NTRK3: variants seen among roughly 807,000 people sequenced by gnomAD.
NTRK3 encodes the protein NT-3 growth factor receptor.
Under a neutral mutation model 91.7 loss-of-function variants are expected in NTRK3, and 24 were observed. The observed-to-expected ratio is 0.26, with a 90% CI of 0.19 to 0.37. NTRK3 has a LOEUF of 0.37. Ranked by LOEUF, NTRK3 falls within the 10% of genes least tolerant of loss-of-function variation. The pLI is 1.00. For missense variants in NTRK3, 880 were observed against 1,068.9 expected (o/e 0.82, Z 2.46); for synonymous variants, 483 against 404.0 (o/e 1.20, Z -2.34).
intron 17 of NTRK3, among the ~76,000 whole-genome samples, chr15:87,886,975 G>C (rs927034075): frequency 2.6e-5 from 4 of 151,770 alleles, no homozygotes; most frequent in Non-Finnish European, 5.9e-5. Context: ...AAAAAAAATA[G>C]AAGTCAGGAA....
intron 5 of NTRK3, among the ~76,000 whole-genome samples, chr15:88,152,780 T>C (rs927204783): frequency 9.8e-5 from 15 of 152,356 alleles, no homozygotes; most frequent in African/African-American, 3.6e-4. Flanking sequence ...GCTCTGTCTA[T>C]GCTTGGTGGC....
At chr15:87,992,303 A>G (rs1436749933) in intron 14 of NTRK3, among the ~76,000 whole-genome samples, 1 of 152,140 alleles carries the variant, frequency 6.6e-6, no homozygotes, top group Non-Finnish European at 1.5e-5. Flanking sequence ...ACCACACTGT[A>G]TGCCTTTCAG....
chr15:88,170,761 G>C (rs1269852668), intron 5 of NTRK3, among the ~76,000 whole-genome samples: 87 of 152,104 alleles, frequency 5.7e-4, no homozygotes, highest in Admixed American at 5.6e-3. Context: ...AGGATTCCCT[G>C]GCCCTCATCA....
chr15:87,948,298 T>A (rs1431105226), intron 14 of NTRK3, among the ~76,000 whole-genome samples: 1 of 152,234 alleles, frequency 6.6e-6, no homozygotes, highest in African/African-American at 2.4e-5. Flanking sequence ...ATCTCCTGGT[T>A]TCCTGTAAAG....
At chr15:88,069,475 C>T (rs1239151848) in intron 13 of NTRK3, among the ~76,000 whole-genome samples, 7 of 152,140 alleles carry the variant, frequency 4.6e-5, no homozygotes, top group South Asian at 4.1e-4. Flanking sequence ...GATGATGCAG[C>T]GGTGTCAGGG....
At chr15:87,987,776 G>A (rs1027787851) in intron 14 of NTRK3, among the ~76,000 whole-genome samples, 3 of 151,778 alleles carry the variant, frequency 2.0e-5, no homozygotes, top group African/African-American at 4.8e-5. Flanking sequence ...CTCAATGTCA[G>A]GATATTACCT....
At chr15:87,863,958 C>A (rs1400328361) in exon 19 of NTRK3, 2 of 226,218 alleles carry the variant, frequency 8.8e-6, no homozygotes, top group Non-Finnish European at 1.7e-5. Flanking sequence ...TGCCTTTAAC[C>A]CCCCACCAGG....
rs76706580 is a variant in NTRK3 at position 87,951,175 on chromosome 15, C to T, written c.1586-10422G>A. On this transcript the variant is annotated intron_variant, in intron 14 of 18. Coordinates refer to ENST00000394480, the Ensembl canonical transcript of NTRK3. ...CCCCACTTCCACTAGTAGAAATCAACCCAATCCCCAACACGGGAAATAATC... is the reference window on the plus strand; with the variant it reads ...CCCCACTTCCACTAGTAGAAATCAATCCAATCCCCAACACGGGAAATAATC... Among the ~76,000 whole-genome samples the T allele has an allele frequency of 3.5e-3, 539 of 152,322 alleles. 1 individual carries two copies. The highest frequency in any genetic ancestry group is 0.012 in the African/African-American group (519 of 41,574).
At chr15:87,921,381 G>T (rs8031510) in intron 17 of NTRK3, among the ~76,000 whole-genome samples, 3 of 152,020 alleles carry the variant, frequency 2.0e-5, no homozygotes, top group Non-Finnish European at 2.9e-5. Flanking sequence ...TAAAACCAAA[G>T]GGACAAATCT....
At position 88,223,309 on chromosome 15, in the gene NTRK3, G is replaced by C. The variant is rs1360628728; in HGVS notation, c.248+32597C>G. Among the ~76,000 whole-genome samples the C allele has an allele frequency of 2.6e-5, 4 of 152,356 alleles. No homozygotes were observed. In the East Asian group the frequency reaches 7.7e-4, roughly 29 times the overall value. On this transcript the variant is annotated intron_variant, in intron 3 of 18. Coordinates refer to ENST00000394480, the Ensembl canonical transcript of NTRK3. The stretch of plus-strand genomic sequence containing the variant: ...CCTGTGTCACCAGGCGTGAGTGCTG[G>C]AGGAGGGGGCTGGCCGCTGGTCACA...
intron 5 of NTRK3, among the ~76,000 whole-genome samples, chr15:88,153,297 C>T (rs914996469): frequency 1.3e-5 from 2 of 152,096 alleles, no homozygotes; most frequent in Admixed American, 6.5e-5. Context: ...GGCTGGAGTG[C>T]AATGGCATGA....
intron 17 of NTRK3, among the ~76,000 whole-genome samples, chr15:87,910,868 T>A (rs984949235): frequency 2.0e-5 from 3 of 152,088 alleles, no homozygotes; most frequent in Non-Finnish European, 4.4e-5. Flanking sequence ...TCAGGAAGGG[T>A]TAGACTTGAA....
At chr15:88,236,740 C>A (rs532419926) in intron 3 of NTRK3, among the ~76,000 whole-genome samples, 2 of 134,812 alleles carry the variant, frequency 1.5e-5, no homozygotes, top group African/African-American at 2.7e-5. Flanking sequence ...AAACCAAAAA[C>A]AACTTGTACT....
chr15:88,168,503 AG>A (rs1377205923), intron 5 of NTRK3, among the ~76,000 whole-genome samples: 1 of 152,252 alleles, frequency 6.6e-6, no homozygotes, highest in Non-Finnish European at 1.5e-5. Context: ...TATAATTACA[AG>A]AGCTTAATTT....
At position 87,973,629 on chromosome 15, in the gene NTRK3, G is replaced by A. The variant is rs1339515440; in HGVS notation, c.1586-32876C>T. ...CAAGCAGTTTCGCCCACATCAGCCA[G>A]CATTAAAGATTGGCAATGTGGTGGG... is the stretch of plus-strand genomic sequence containing the variant. On this transcript the variant is annotated intron_variant, in intron 14 of 18. Coordinates refer to ENST00000394480, the Ensembl canonical transcript of NTRK3. Among the ~76,000 whole-genome samples the A allele has an allele frequency of 3.9e-5, 6 of 152,128 alleles. No individual in the cohort carries two copies. In the East Asian group the frequency reaches 7.7e-4, roughly 20 times the overall value.
At chr15:87,953,129 G>C (rs895552960) in intron 14 of NTRK3, among the ~76,000 whole-genome samples, 2 of 152,170 alleles carry the variant, frequency 1.3e-5, no homozygotes, top group Non-Finnish European at 2.9e-5. Context: ...TAAACGCACT[G>C]GCCGGTGGTT....
intron 13 of NTRK3, among the ~76,000 whole-genome samples, chr15:88,046,086 T>A (rs973319239): frequency 6.6e-6 from 1 of 152,162 alleles, no homozygotes; most frequent in Non-Finnish European, 1.5e-5. Flanking sequence ...GGCTGGAGCA[T>A]CAGTGGCAGG....
chr15:87,977,630 C>T (rs1387057529), intron 14 of NTRK3: 2 of 232,006 alleles, frequency 8.6e-6, no homozygotes, highest in East Asian at 1.2e-4. Context: ...TGGGGAACAG[C>T]CTGACATGGA....
chr15:87,931,495 G>A (rs571867487), intron 16 of NTRK3, among the ~76,000 whole-genome samples: 67 of 152,278 alleles, frequency 4.4e-4, no homozygotes, highest in African/African-American at 1.5e-3. Flanking sequence ...CAACAACCCC[G>A]TGAAGCAGTT....
Sources: allele counts gnomAD v4.1 joint callset (sites outside exome capture counted in the v4.1 genomes callset), GRCh38; gene constraint gnomAD v4.1.1; transcripts MANE v1.5; gene names NCBI Gene and HGNC (gene_info 2026-07-23, HGNC 2026-07-21).